SH3RF3: variants seen among roughly 807,000 people sequenced by gnomAD.
The protein encoded by SH3RF3 is SH3 domain containing ring finger 3, also known as E3 ubiquitin-protein ligase SH3RF3.
SH3RF3 carries 29 observed loss-of-function variants against 66.3 expected under a neutral mutation model. That is an observed-to-expected ratio of 0.44 (90% CI 0.33 to 0.60). The LOEUF is 0.60. Ranked by LOEUF, SH3RF3 falls within the 20% of genes least tolerant of loss-of-function variation. SH3RF3 has a pLI of 0.04. For missense variants in SH3RF3, 1,194 were observed against 1,190.9 expected, an observed-to-expected ratio of 1.00 and a Z score of -0.04; for synonymous variants, 583 against 532.0, an observed-to-expected ratio of 1.10 and a Z score of -1.32.
At chr2:109,148,899 G>C (rs1278040480) in intron 1 of SH3RF3, among the ~76,000 whole-genome samples, 1 of 152,034 alleles carries the variant, frequency 6.6e-6, no homozygotes, top group Non-Finnish European at 1.5e-5. Flanking sequence ...ATTCTGATTG[G>C]TGGTTTTACC....
chr2:109,431,731 C>T (rs1410814300), intron 5 of SH3RF3, among the ~76,000 whole-genome samples: 1 of 152,166 alleles, frequency 6.6e-6, no homozygotes, highest in East Asian at 1.9e-4. Context: ...ACTTAGCCAG[C>T]ATGGCGGTGC....
At chr2:109,364,077 C>G (rs1279430159) in intron 2 of SH3RF3, among the ~76,000 whole-genome samples, 1 of 151,538 alleles carries the variant, frequency 6.6e-6, no homozygotes, top group African/African-American at 2.4e-5. Flanking sequence ...TCTTCTCCTT[C>G]TAGTATTCCC....
chr2:109,346,261 A>C (rs1682694491), intron 1 of SH3RF3, among the ~76,000 whole-genome samples: 1 of 152,112 alleles, frequency 6.6e-6, no homozygotes, highest in African/African-American at 2.4e-5. Flanking sequence ...GCTGTTTGTC[A>C]ATTTGCCAGC....
In SH3RF3 at chr2:109,257,955, C is replaced by T. The variant is rs561633946; in HGVS notation, c.574-89719C>T. Among the ~76,000 whole-genome samples, 6 of 152,044 alleles carry T rather than the reference C, an allele frequency of 3.9e-5. No homozygotes were observed. In the East Asian group the frequency reaches 9.7e-4, roughly 25 times the overall value. The stretch of plus-strand genomic sequence containing the variant: ...AGACCAGCTTGCCTTTTGTGTTCAC[C>T]ATTCTAGCATTTCTTTCCCTGCTTG... On this transcript the variant is annotated intron_variant, in intron 1 of 9. Coordinates refer to ENST00000309415, the MANE Select transcript of SH3RF3 (RefSeq NM_001099289.3).
intron 1 of SH3RF3, among the ~76,000 whole-genome samples, chr2:109,242,961 G>A (rs1574524401): frequency 6.6e-6 from 1 of 152,358 alleles, no homozygotes; most frequent in South Asian, 2.1e-4. Context: ...TCTGTGTGAG[G>A]CTGAGTCGGA....
intron 1 of SH3RF3, among the ~76,000 whole-genome samples, chr2:109,166,473 A>G (rs1677628789): frequency 6.6e-6 from 1 of 150,692 alleles, no homozygotes; most frequent in Non-Finnish European, 1.5e-5. Context: ...AAAAAAAAAA[A>G]AGAAAGAAAG....
At chr2:109,199,928 G>A (rs1364143150) in intron 1 of SH3RF3, among the ~76,000 whole-genome samples, 1 of 150,732 alleles carries the variant, frequency 6.6e-6, no homozygotes, top group East Asian at 1.9e-4. Flanking sequence ...TATAGCACCC[G>A]CTGTACAGCA....
At chr2:109,173,828 G>A (rs1677857338) in intron 1 of SH3RF3, among the ~76,000 whole-genome samples, 1 of 152,214 alleles carries the variant, frequency 6.6e-6, no homozygotes, top group Non-Finnish European at 1.5e-5. Flanking sequence ...CTGGAACACT[G>A]CCGTCGTCCT....
At chr2:109,246,447 A>G (rs1384962000) in intron 1 of SH3RF3, among the ~76,000 whole-genome samples, 1 of 152,146 alleles carries the variant, frequency 6.6e-6, no homozygotes, top group East Asian at 1.9e-4. Flanking sequence ...CACCTCCCCA[A>G]AGGCCTCAGC....
chr2:109,309,307 G>A (rs1411978546), intron 1 of SH3RF3, among the ~76,000 whole-genome samples: 2 of 150,310 alleles, frequency 1.3e-5, no homozygotes, highest in African/African-American at 5.0e-5. Flanking sequence ...TTGCTTATCA[G>A]CTTAAGGAGA....
intron 2 of SH3RF3, among the ~76,000 whole-genome samples, chr2:109,350,557 T>A (rs1202871470): frequency 6.6e-6 from 1 of 152,194 alleles, no homozygotes; most frequent in Non-Finnish European, 1.5e-5. Context: ...CCACCCCTGC[T>A]ACCTGTTCTG....
At chr2:109,353,572 G>T (rs1419091688) in intron 2 of SH3RF3, among the ~76,000 whole-genome samples, 1 of 152,154 alleles carries the variant, frequency 6.6e-6, no homozygotes, top group Non-Finnish European at 1.5e-5. Context: ...GGAGTGGGGT[G>T]CCCTGTGTCA....
At chr2:109,169,597 C>A (rs561018400) in intron 1 of SH3RF3, among the ~76,000 whole-genome samples, 1 of 152,018 alleles carries the variant, frequency 6.6e-6, no homozygotes, top group African/African-American at 2.4e-5. Context: ...ACAAACTGAC[C>A]GAGCTTAGCA....
intron 1 of SH3RF3, among the ~76,000 whole-genome samples, chr2:109,297,394 A>C (rs181921668): frequency 2.6e-5 from 4 of 152,038 alleles, no homozygotes; most frequent in African/African-American, 9.7e-5. Context: ...CCCCCAGGGG[A>C]GCAGCCCACA....
intron 8 of SH3RF3, among the ~76,000 whole-genome samples, chr2:109,459,754 C>T (rs11900909): frequency 0.044 from 6,711 of 152,212 alleles, 445 homozygotes; most frequent in African/African-American, 0.14. Context: ...CTGGTGGCAA[C>T]ATTCCTCCCC....
At chr2:109,420,725 A>T (rs548237773) in intron 5 of SH3RF3, among the ~76,000 whole-genome samples, 1 of 152,156 alleles carries the variant, frequency 6.6e-6, no homozygotes, top group Non-Finnish European at 1.5e-5. Context: ...GATTACAGGC[A>T]TGAGCCACCG....
chr2:109,305,446 C>G (rs1681568826), intron 1 of SH3RF3, among the ~76,000 whole-genome samples: 1 of 152,184 alleles, frequency 6.6e-6, no homozygotes, highest in Admixed American at 6.5e-5. Context: ...CTGTCTCCAG[C>G]CCAGTTCTGG....
chr2:109,314,829 T>C (rs987529762), intron 1 of SH3RF3, among the ~76,000 whole-genome samples: 10 of 152,236 alleles, frequency 6.6e-5, no homozygotes, highest in African/African-American at 2.4e-4. Flanking sequence ...GTCTAGTGAA[T>C]AGGAGAATCA....
chr2:109,488,160 C>T (rs139644785), intron 8 of SH3RF3, among the ~76,000 whole-genome samples: 1 of 152,316 alleles, frequency 6.6e-6, no homozygotes, highest in East Asian at 1.9e-4. Context: ...GTCCCCGCAT[C>T]CTGGCCTGCT....
Sources: gnomAD v4.1 joint callset for allele counts (sites outside exome capture counted in the v4.1 genomes callset) on GRCh38, gnomAD v4.1.1 for gene constraint, MANE v1.5 for transcripts, NCBI Gene and HGNC (gene_info 2026-07-23, HGNC 2026-07-21) for gene names.